The following TMEM132B variants were observed in gnomAD, a reference collection of about 807,000 sequenced individuals.
The protein encoded by TMEM132B is transmembrane protein 132B.
In TMEM132B, 18 loss-of-function variants were observed where a neutral mutation model predicts 90.8. The ratio of observed to expected loss-of-function variants is 0.20; its 90% confidence interval spans 0.14 to 0.29. The LOEUF (loss-of-function observed/expected upper bound fraction) is 0.29, where lower values mean the gene tolerates loss of function less well. Ranked by LOEUF, TMEM132B falls within the 10% of genes least tolerant of loss-of-function variation. The pLI is 1.00. For missense variants in TMEM132B, 1,096 were observed against 1,326.8 expected (o/e 0.83, Z 2.70); for synonymous variants, 504 against 523.3 (o/e 0.96, Z 0.50).
intron 3 of TMEM132B, among the ~76,000 whole-genome samples, chr12:125,420,118 C>T (rs916779667): frequency 1.6e-4 from 25 of 152,216 alleles, no homozygotes; most frequent in Non-Finnish European, 2.1e-4. Context: ...CAGTGCAAGC[C>T]GTCAGTGGAT....
chr12:125,589,209 A>C (rs11058255), intron 5 of TMEM132B, among the ~76,000 whole-genome samples: 1 of 152,134 alleles, frequency 6.6e-6, no homozygotes. Flanking sequence ...GAGGCCGGGC[A>C]CGGTGGCTCA....
At chr12:125,568,720 C>T (rs1285354350) in intron 4 of TMEM132B, among the ~76,000 whole-genome samples, 1 of 152,194 alleles carries the variant, frequency 6.6e-6, no homozygotes, top group African/African-American at 2.4e-5. Context: ...TTGTAGGTCA[C>T]AATGGCTTCC....
intron 1 of TMEM132B, among the ~76,000 whole-genome samples, chr12:125,274,641 A>T (rs1386797108): frequency 6.6e-6 from 1 of 152,224 alleles, no homozygotes; most frequent in African/African-American, 2.4e-5. Flanking sequence ...CCCAAAGAGG[A>T]GAACAGGCTG....
chr12:125,635,855 G>A (rs1371086643), intron 5 of TMEM132B, among the ~76,000 whole-genome samples: 2 of 152,182 alleles, frequency 1.3e-5, no homozygotes, highest in African/African-American at 2.4e-5. Context: ...TCGTTAAAAA[G>A]TTAGGGCTGC....
chr12:125,619,219 A>G (rs1255762227), intron 5 of TMEM132B, among the ~76,000 whole-genome samples: 2 of 152,232 alleles, frequency 1.3e-5, no homozygotes, highest in East Asian at 3.8e-4. Flanking sequence ...ACAAAAATCC[A>G]GGCAAAGAGT....
chr12:125,561,896 A>G (rs1465265251), intron 4 of TMEM132B, among the ~76,000 whole-genome samples: 1 of 152,120 alleles, frequency 6.6e-6, no homozygotes, highest in Non-Finnish European at 1.5e-5. Flanking sequence ...CTTCAACTTA[A>G]AGTCACCAGC....
intron 4 of TMEM132B, among the ~76,000 whole-genome samples, chr12:125,573,345 CCTT>C (rs1187111641): frequency 3.3e-5 from 5 of 152,128 alleles, no homozygotes; most frequent in Non-Finnish European, 5.9e-5. Flanking sequence ...CACTCTAACT[CCTT>C]CTCCTTTCCA....
At chr12:125,467,213 A>C (rs1373920865) in intron 3 of TMEM132B, among the ~76,000 whole-genome samples, 1 of 151,854 alleles carries the variant, frequency 6.6e-6, no homozygotes, top group African/African-American at 2.4e-5. Context: ...GAGACAAGGA[A>C]GAGAATAGAG....
chr12:125,425,914 T>C (rs978570925), intron 3 of TMEM132B, among the ~76,000 whole-genome samples: 29 of 152,214 alleles, frequency 1.9e-4, no homozygotes, highest in Admixed American at 1.7e-3. Flanking sequence ...AACGTTCATA[T>C]TCAGGTTTTT....
chr12:125,238,572 A>T (rs957171540), intron 1 of TMEM132B, among the ~76,000 whole-genome samples: 1 of 152,110 alleles, frequency 6.6e-6, no homozygotes, highest in Non-Finnish European at 1.5e-5. Flanking sequence ...GGCTATTTTG[A>T]TAAGTCTGGT....
chr12:125,611,713 C>T (rs1885832052), intron 5 of TMEM132B, among the ~76,000 whole-genome samples: 1 of 151,946 alleles, frequency 6.6e-6, no homozygotes, highest in Non-Finnish European at 1.5e-5. Flanking sequence ...GTTAATTTCT[C>T]AAGTTTATTT....
chr12:125,524,848 T>G (rs1373162705), intron 4 of TMEM132B, among the ~76,000 whole-genome samples: 1 of 152,026 alleles, frequency 6.6e-6, no homozygotes, highest in Non-Finnish European at 1.5e-5. Context: ...GGGCACAATA[T>G]GGGTGAAGAG....
At chr12:125,236,345 T>C (rs1464564179) in intron 1 of TMEM132B, among the ~76,000 whole-genome samples, 1 of 151,254 alleles carries the variant, frequency 6.6e-6, no homozygotes, top group Non-Finnish European at 1.5e-5. Context: ...TTAGTTGAGA[T>C]GGGATTTTGC....
rs1441963402 is a variant in TMEM132B at position 125,407,796 on chromosome 12, C to G, written c.960-7735C>G. ...GGTGACATTTGGGTTCACCTGGAGA[C>G]CTACCAGTGAACGTGGGCAGTGGTG... On this transcript the variant is annotated intron_variant, in intron 2 of 8. Transcript: ENST00000682704. The surrounding 1 kb of genome is among the most constrained non-coding windows in gnomAD (Gnocchi z 6.7). 6.6e-6 allele frequency among the ~76,000 whole-genome samples: 1 copy of G among 152,202 alleles called. No homozygotes were observed. Among genetic ancestry groups the G allele is most frequent in the Non-Finnish European group, 1.5e-5 (1 of 68,036 alleles).
chr12:125,328,167 T>C (rs915224765), intron 1 of TMEM132B, among the ~76,000 whole-genome samples: 2 of 152,220 alleles, frequency 1.3e-5, no homozygotes, highest in African/African-American at 4.8e-5. Flanking sequence ...ACCTGGGACC[T>C]CAGTCACTCA....
At chr12:125,403,353 T>C (rs183561615) in intron 2 of TMEM132B, among the ~76,000 whole-genome samples, 11 of 152,322 alleles carry the variant, frequency 7.2e-5, no homozygotes, top group African/African-American at 2.6e-4. Context: ...TGCAAACCTG[T>C]CAAAGCGTTG....
In TMEM132B at chr12:125,246,291, C is replaced by T. The variant is rs1874205400; in HGVS notation, c.67+59425C>T. Among the ~76,000 whole-genome samples the T allele has an allele frequency of 6.6e-6, 1 of 152,212 alleles. No homozygotes were observed. Among genetic ancestry groups the T allele is most frequent in the African/African-American group, 2.4e-5 (1 of 41,444 alleles). On this transcript the variant is annotated intron_variant, in intron 1 of 8. Transcript: ENST00000682704. This position sits in a 1 kb window ranked among gnomAD's most constrained non-coding sequence, Gnocchi z 4.2. Reference sequence around the variant, plus strand: ...GGTGGCCCCTCCTTTCCCCGCCTTCCCTGCCACAGGGAACTCAAGCCGGTT... The same window carrying T: ...GGTGGCCCCTCCTTTCCCCGCCTTCTCTGCCACAGGGAACTCAAGCCGGTT...
chr12:125,347,909 T>A (rs1877413812), intron 1 of TMEM132B, among the ~76,000 whole-genome samples: 1 of 152,212 alleles, frequency 6.6e-6, no homozygotes, highest in African/African-American at 2.4e-5. Context: ...ATATGTGCTG[T>A]GTGTTTTAAT....
rs902090176 is a variant in TMEM132B, at chr12:125,415,913, G to A, written c.1106+236G>A. Among the ~76,000 whole-genome samples, 1 of 152,138 alleles carries A rather than the reference G, an allele frequency of 6.6e-6. No homozygotes were observed. Among genetic ancestry groups the A allele is most frequent in the Non-Finnish European group, 1.5e-5 (1 of 68,032 alleles). On this transcript the variant is annotated intron_variant, in intron 3 of 8. Coordinates refer to ENST00000682704, the MANE Select transcript of TMEM132B (RefSeq NM_001366854.1). The surrounding 1 kb of genome is among the most constrained non-coding windows in gnomAD (Gnocchi z 5.3). ...TATTACTATTGTTATTGTTTGCAGC[G>A]AAGAGTTGAAGAAGGAAATGGGGGA...
Sources: gnomAD v4.1 joint callset for allele counts (sites outside exome capture counted in the v4.1 genomes callset) on GRCh38, gnomAD v4.1.1 for gene constraint, Gnocchi (gnomAD v3.1) non-coding constraint, MANE v1.5 for transcripts, NCBI Gene and HGNC (gene_info 2026-07-23, HGNC 2026-07-21) for gene names.